Variants in OPCML observed in about 807,000 individuals in gnomAD.
The protein encoded by OPCML is opioid-binding protein/cell adhesion molecule.
A neutral mutation model predicts 37.8 loss-of-function variants in OPCML; 13 were observed. The ratio of observed to expected loss-of-function variants is 0.34; its 90% CI spans 0.22 to 0.55. The LOEUF is 0.55. Among genes scored for constraint, OPCML ranks in the 20% least tolerant of loss-of-function variants. The pLI is 0.91. For synonymous variants in OPCML, 176 were observed against 168.8 expected (o/e 1.04, Z -0.33); for missense variants, 341 against 435.6 (o/e 0.78, Z 1.93).
intron 2 of OPCML, among the ~76,000 whole-genome samples, chr11:132,673,133 G>GC (rs1429699779): frequency 2.0e-5 from 3 of 152,120 alleles, no homozygotes; most frequent in Non-Finnish European, 2.9e-5. Flanking sequence ...CAAGATGCTT[G>GC]CCCCAAATGA....
At chr11:132,709,912 G>T (rs1944190065) in intron 2 of OPCML, among the ~76,000 whole-genome samples, 1 of 152,152 alleles carries the variant, frequency 6.6e-6, no homozygotes, top group Non-Finnish European at 1.5e-5. Flanking sequence ...CTTGCCTCTA[G>T]CACTGTCATT....
At chr11:133,104,209 G>A (rs151039792) in intron 1 of OPCML, among the ~76,000 whole-genome samples, 1 of 152,210 alleles carries the variant, frequency 6.6e-6, no homozygotes, top group East Asian at 1.9e-4. Flanking sequence ...AGGGAGAAAG[G>A]AGGGAAATTA....
chr11:132,441,330 G>A (rs1038139495), intron 4 of OPCML, among the ~76,000 whole-genome samples: 8 of 150,650 alleles, frequency 5.3e-5, no homozygotes, highest in Non-Finnish European at 8.9e-5. Context: ...ACTACGCCCG[G>A]CTAATTTTTT....
Position 133,495,278 on chromosome 11 carries a change from C to T in OPCML, c.61+36986G>A, listed in dbSNP as rs533241846. The stretch of plus-strand genomic sequence containing the variant: ...GAGTAGTATTCCATTGTATATATAC[C>T]ACAGTTTCTTTATCCACTCATTGAT... On this transcript the variant is annotated intron_variant, in intron 1 of 7. Transcript: ENST00000524381. 3.3e-5 allele frequency among the ~76,000 whole-genome samples: 5 copies of T among 152,200 alleles called. No individual in the cohort carries two copies. The South Asian group carries it at 1.0e-3, about 32-fold the overall frequency.
chr11:133,110,771 G>A (rs915028117), intron 1 of OPCML, among the ~76,000 whole-genome samples: 1 of 152,124 alleles, frequency 6.6e-6, no homozygotes. Flanking sequence ...TAAGAGTCAG[G>A]TGGCAAACAA....
intron 2 of OPCML, among the ~76,000 whole-genome samples, chr11:132,684,189 C>T (rs188591700): frequency 1.8e-4 from 27 of 152,178 alleles, no homozygotes; most frequent in Admixed American, 1.3e-4. Context: ...TGCTTAATAC[C>T]AATAACAATA....
chr11:132,600,213 G>A (rs896219765), intron 3 of OPCML, among the ~76,000 whole-genome samples: 6 of 152,160 alleles, frequency 3.9e-5, no homozygotes, highest in Non-Finnish European at 5.9e-5. Context: ...GCTTAATGGT[G>A]CTCTGTTCTA....
chr11:132,504,534 T>C (rs1194105577), intron 4 of OPCML, among the ~76,000 whole-genome samples: 1 of 151,176 alleles, frequency 6.6e-6, no homozygotes, highest in Admixed American at 6.6e-5. Context: ...GTCATTTGAA[T>C]GTTGACCCAG....
intron 1 of OPCML, among the ~76,000 whole-genome samples, chr11:133,115,695 T>C (rs1356696037): frequency 6.6e-6 from 1 of 152,126 alleles, no homozygotes; most frequent in Non-Finnish European, 1.5e-5. Flanking sequence ...TCACAGTGTC[T>C]CAGGATTGCT....
intron 2 of OPCML, among the ~76,000 whole-genome samples, chr11:132,690,283 G>A (rs914640432): frequency 2.6e-5 from 4 of 152,108 alleles, no homozygotes; most frequent in Admixed American, 6.5e-5. Context: ...TCATCTGGAA[G>A]ACCTATTAAA....
Position 132,529,140 on chromosome 11 carries a change from C to T in OPCML, c.426G>A (p.Glu142=). 3 of 1,613,296 alleles carry T rather than the reference C, an allele frequency of 1.9e-6. No homozygotes were observed. Among genetic ancestry groups the T allele is most frequent in the African/African-American group, 1.3e-5 (1 of 74,984 alleles). ...GACACAGCAGGGTCACACTGCTTCC[C>T]TCATTCACAGTGATGTCTGAGGAGA... ...MNISSDITVN[E]GSSVTLLCLA... Residue 142 remains glutamate, a synonymous_variant, in exon 4 of 8, where the codon GAG becomes GAA. Transcript: ENST00000524381.
chr11:132,477,107 G>T (rs2096159073), intron 4 of OPCML, among the ~76,000 whole-genome samples: 1 of 152,120 alleles, frequency 6.6e-6, no homozygotes, highest in Non-Finnish European at 1.5e-5. Context: ...TGGTTCCCAG[G>T]TTTCCCAGGT....
At chr11:132,474,471 G>A (rs1477786490) in intron 4 of OPCML, among the ~76,000 whole-genome samples, 1 of 152,010 alleles carries the variant, frequency 6.6e-6, no homozygotes, top group Non-Finnish European at 1.5e-5. Flanking sequence ...TTCAGTCCTT[G>A]CTGGCCCCAG....
intron 1 of OPCML, among the ~76,000 whole-genome samples, chr11:132,970,783 T>C (rs925322984): frequency 2.0e-5 from 3 of 152,216 alleles, no homozygotes; most frequent in African/African-American, 7.2e-5. Context: ...TCTAAACAGC[T>C]TAAATCTTAC....
intron 1 of OPCML, chr11:133,025,326 G>A (rs995691135): frequency 1.0e-6 from 1 of 985,170 alleles, no homozygotes; most frequent in African/African-American, 1.7e-5. Context: ...TTCTGTGGAT[G>A]ATTATGGCTG....
chr11:133,317,674 A>G (rs775610471), intron 1 of OPCML, among the ~76,000 whole-genome samples: 2 of 152,198 alleles, frequency 1.3e-5, no homozygotes, highest in Non-Finnish European at 2.9e-5. Flanking sequence ...ATCTCTGCCT[A>G]TTGGCTCTGC....
At chr11:132,523,046 C>T (rs931834560) in intron 4 of OPCML, among the ~76,000 whole-genome samples, 10 of 152,178 alleles carry the variant, frequency 6.6e-5, no homozygotes, top group East Asian at 3.9e-4. Context: ...AAGCGATTCT[C>T]CTGCGTCAGC....
At chr11:132,924,579 C>T (rs1311945543) in intron 2 of OPCML, among the ~76,000 whole-genome samples, 1 of 152,294 alleles carries the variant, frequency 6.6e-6, no homozygotes, top group Non-Finnish European at 1.5e-5. Context: ...CTGCTCTTTT[C>T]TTGCTTGCTT....
At chr11:133,156,538 T>C (rs188555228) in intron 1 of OPCML, among the ~76,000 whole-genome samples, 1 of 152,334 alleles carries the variant, frequency 6.6e-6, no homozygotes, top group Non-Finnish European at 1.5e-5. Context: ...AGGCTGAGAC[T>C]TTCTGGGGAG....
Sources: allele counts gnomAD v4.1 joint callset (sites outside exome capture counted in the v4.1 genomes callset), GRCh38; gene constraint gnomAD v4.1.1; transcripts MANE v1.5; gene names NCBI Gene and HGNC (gene_info 2026-07-23, HGNC 2026-07-21).